NCKAP1: variants seen among roughly 807,000 people sequenced by gnomAD.
The protein encoded by NCKAP1 is NCK associated protein 1, also known as nck-associated protein 1.
Under a neutral mutation model 151.2 loss-of-function variants are expected in NCKAP1, and 21 were observed. That is an observed-to-expected ratio of 0.14 (90% CI 0.10 to 0.20). The LOEUF is 0.20. NCKAP1 is among the 10% of genes least tolerant of loss of function. The probability of loss-of-function intolerance (pLI) is 1.00; values close to 1 mark genes in which losing one functional copy is unlikely to be tolerated. For missense variants in NCKAP1, 933 were observed against 1,352.1 expected, an observed-to-expected ratio of 0.69 and a Z score of 4.86; for synonymous variants, 484 against 451.8, an observed-to-expected ratio of 1.07 and a Z score of -0.90.
At position 182,914,713 on chromosome 2, in the gene NCKAP1, C is replaced by A. The variant is rs1297246930; in HGVS notation, c.*10989G>T. On this transcript the variant is annotated 3_prime_UTR_variant, in exon 31 of 31. Transcript: ENST00000361354. Reference sequence around the variant, plus strand: ...TAAAAAGAGTAAAAAGGAACAAATTCCCCTCTAATAAATTACCCCCACAGA... The same window carrying A: ...TAAAAAGAGTAAAAAGGAACAAATTACCCTCTAATAAATTACCCCCACAGA... 1 of 152,094 alleles carries A rather than the reference C, an allele frequency of 6.6e-6. No homozygotes were observed. The highest frequency in any genetic ancestry group is 1.5e-5 in the Non-Finnish European group (1 of 68,014). 9.4% of individuals were successfully genotyped at this position (152,094 alleles called of 1,614,324 possible).
rs1696629309 is a variant in NCKAP1 at position 182,925,699 on chromosome 2, AT to A, written c.*2del. ...CGTGCTTATCTTGATTAAGTAGGTA[AT>A]TTTATGCAGAAGATGTAACACTTTG... is the stretch of plus-strand genomic sequence containing the variant. On this transcript the variant is annotated 3_prime_UTR_variant, in exon 31 of 31. Coordinates refer to ENST00000361354, the MANE Select transcript of NCKAP1 (RefSeq NM_013436.5). The A allele has an allele frequency of 2.0e-6, 3 of 1,520,262 alleles. No individual in the cohort carries two copies. Among genetic ancestry groups the A allele is most frequent in the Non-Finnish European group, 2.7e-6 (3 of 1,126,098 alleles). 94.2% of individuals were successfully genotyped at this position (1,520,262 alleles called of 1,614,324 possible).
chr2:182,942,597 A>T (rs1016554954), intron 23 of NCKAP1, among the ~76,000 whole-genome samples: 2 of 152,112 alleles, frequency 1.3e-5, no homozygotes, highest in African/African-American at 4.8e-5. Flanking sequence ...ATACAAGTAG[A>T]GGGAGAATGA....
chr2:182,994,250 C>T (rs1225480694), intron 8 of NCKAP1, among the ~76,000 whole-genome samples: 4 of 152,098 alleles, frequency 2.6e-5, no homozygotes, highest in African/African-American at 4.8e-5. Flanking sequence ...GGCAATATAA[C>T]GTAGCCCATG....
chr2:182,932,781 C>T (rs1411981831), intron 26 of NCKAP1, among the ~76,000 whole-genome samples: 1 of 152,020 alleles, frequency 6.6e-6, no homozygotes, highest in African/African-American at 2.4e-5. Context: ...TAATTCTGCA[C>T]ATCAGTGTCT....
intron 23 of NCKAP1, 52 bp downstream of exon 23, chr2:182,952,353 T>TA: frequency 8.5e-7 from 1 of 1,177,862 alleles, no homozygotes; most frequent in East Asian, 2.4e-5. Context: ...ATCCCTGAAA[T>TA]GTTTTTCAGG....
chr2:182,988,003 T>G (rs748884248), intron 9 of NCKAP1, among the ~76,000 whole-genome samples: 7 of 152,186 alleles, frequency 4.6e-5, no homozygotes, highest in Admixed American at 6.6e-5. Flanking sequence ...GGAGTTTTCA[T>G]ATGCAAAGTC....
At position 182,930,726 on chromosome 2, in the gene NCKAP1, T is replaced by C; in HGVS notation, c.2922A>G (p.Ala974=). Residue 974 remains alanine (A), a synonymous_variant, in exon 27 of 31, where the codon GCA becomes GCG. Coordinates refer to ENST00000361354, the MANE Select transcript of NCKAP1 (RefSeq NM_013436.5). ...TTTGTGAAGAAAGAGCTACGACCAA[T>C]GCAGGATCAATCTCACAAGGTAATC... ...AAGLPCEIDP[A]LVVALSSQKS... 15 of 1,613,492 alleles carry C rather than the reference T, an allele frequency of 9.3e-6. No individual in the cohort carries two copies. The highest frequency in any genetic ancestry group is 1.3e-5 in the Non-Finnish European group (15 of 1,179,480).
intron 28 of NCKAP1, among the ~76,000 whole-genome samples, chr2:182,928,499 G>C (rs1443285825): frequency 6.6e-6 from 1 of 151,906 alleles, no homozygotes; most frequent in Admixed American, 6.6e-5. Context: ...ATAGTAGCTC[G>C]GAAATAAAAA....
chr2:182,967,493 G>T, intron 15 of NCKAP1, 132 bp from the exon 16 acceptor site: 1 of 802,614 alleles, frequency 1.2e-6, no homozygotes, highest in Non-Finnish European at 2.0e-6. Flanking sequence ...AACATCTACT[G>T]TGTTAGTTGT....
chr2:182,957,512 C>A lies in NCKAP1; in HGVS notation c.1966G>T (p.Glu656Ter). 6.2e-7 allele frequency: 1 copy of A among 1,614,072 alleles called. No individual in the cohort carries two copies. Among genetic ancestry groups the A allele is most frequent in the Non-Finnish European group, 8.5e-7 (1 of 1,179,952 alleles). ...CTCTCAACACCTGGTTTCTCCCTTT[C>A]AGGTTCCCCTTTCTTACCAGTCTGC... Reference protein sequence around the residue: ...KKQTGKKGEPEREKPGVESMR... With the variant: ...KKQTGKKGEP The change falls in exon 19 of 31, where the codon GAA becomes TAA. Residue 656 changes from glutamate (E) to a stop codon, truncating the protein, a stop_gained. Transcript: ENST00000361354. LOFTEE classifies it high-confidence loss of function.
chr2:182,972,975 T>C (rs796131139), intron 15 of NCKAP1, among the ~76,000 whole-genome samples: 57 of 152,258 alleles, frequency 3.7e-4, no homozygotes, highest in African/African-American at 1.3e-3. Flanking sequence ...AGAACTAGTA[T>C]AGCACAATGG....
rs763293159 is a variant in NCKAP1 at position 182,995,690 on chromosome 2, T to C, written c.741+11A>G. 8.7e-6 allele frequency: 14 copies of C among 1,602,622 alleles called. No homozygotes were observed. Among genetic ancestry groups the C allele is most frequent in the South Asian group, 2.3e-5 (2 of 88,428 alleles). On this transcript the variant is annotated intron_variant, in intron 7 of 30. Transcript: ENST00000361354. ...TTTATTTTCATTCAAAAGAGAAAAA[T>C]AGAACCATACAGTGTCGGACTGTGC...
Position 182,912,785 on chromosome 2 carries a change from T to A in NCKAP1, c.*12917A>T, listed in dbSNP as rs1696414972. On this transcript the variant is annotated 3_prime_UTR_variant, in exon 31 of 31. Transcript: ENST00000361354. ...TCTGTTAAGCATGCCTTGCACCAAA[T>A]TAAAATATGTGCACTAGCACAATAC... The A allele has an allele frequency of 6.8e-6, 1 of 147,450 alleles. No homozygotes were observed. The highest frequency in any genetic ancestry group is 7.0e-5 in the Admixed American group (1 of 14,348). 9.1% of individuals were successfully genotyped at this position (147,450 alleles called of 1,614,324 possible).
intron 2 of NCKAP1, among the ~76,000 whole-genome samples, chr2:183,021,159 A>G (rs1698790946): frequency 6.6e-6 from 1 of 152,238 alleles, no homozygotes; most frequent in Non-Finnish European, 1.5e-5. Flanking sequence ...AGAGAAATGA[A>G]AACATATCCA....
At chr2:182,925,877 A>G in intron 30 of NCKAP1, 59 bp from the exon 31 acceptor site, 1 of 851,688 alleles carries the variant, frequency 1.2e-6, no homozygotes. Flanking sequence ...ATAAACAAAA[A>G]TCATAAGTTA....
chr2:182,968,558 A>G (rs1697622766), intron 15 of NCKAP1, among the ~76,000 whole-genome samples: 1 of 152,214 alleles, frequency 6.6e-6, no homozygotes, highest in Non-Finnish European at 1.5e-5. Context: ...AAGAGCAAGT[A>G]TGCTTACAGC....
chr2:183,020,804 A>C (rs1698784334), intron 2 of NCKAP1, among the ~76,000 whole-genome samples: 1 of 152,192 alleles, frequency 6.6e-6, no homozygotes, highest in South Asian at 2.1e-4. Flanking sequence ...CAACTAATTC[A>C]ATAAGTTAAA....
chr2:182,989,417 A>G (rs1480850180), intron 8 of NCKAP1, among the ~76,000 whole-genome samples: 1 of 152,262 alleles, frequency 6.6e-6, no homozygotes, highest in Non-Finnish European at 1.5e-5. Context: ...AAAACGGGAA[A>G]AATGTCACTT....
intron 2 of NCKAP1, among the ~76,000 whole-genome samples, chr2:183,021,554 T>C (rs1243330476): frequency 6.6e-6 from 1 of 152,130 alleles, no homozygotes; most frequent in Admixed American, 6.5e-5. Flanking sequence ...GGTGTTACAG[T>C]GAGCTATGAT....
Sources: gnomAD v4.1 joint callset for allele counts (sites outside exome capture counted in the v4.1 genomes callset) on GRCh38, gnomAD v4.1.1 for gene constraint, MANE v1.5 for transcripts, NCBI Gene and HGNC (gene_info 2026-07-23, HGNC 2026-07-21) for gene names.